Variants in ZFPM2 observed in about 807,000 individuals in gnomAD.
ZFPM2 encodes zinc finger protein ZFPM2.
Under a neutral mutation model 98.6 loss-of-function variants are expected in ZFPM2, and 20 were observed. The observed-to-expected ratio is 0.20, with a 90% CI of 0.14 to 0.29. ZFPM2 has a LOEUF of 0.29. Among genes scored for constraint, ZFPM2 ranks in the 10% least tolerant of loss-of-function variants. ZFPM2 has a pLI of 1.00. For missense variants in ZFPM2, 1,310 were observed against 1,388.6 expected (o/e 0.94, Z 0.90); for synonymous variants, 518 against 502.7 (o/e 1.03, Z -0.41).
At chr8:105,410,839 A>G (rs903670359) in intron 1 of ZFPM2, among the ~76,000 whole-genome samples, 2 of 151,796 alleles carry the variant, frequency 1.3e-5, no homozygotes, top group Non-Finnish European at 2.9e-5. Context: ...TTTCTTACTC[A>G]TAAGTGCTTT....
At chr8:105,361,604 C>T (rs1353468082) in intron 1 of ZFPM2, among the ~76,000 whole-genome samples, 1 of 152,136 alleles carries the variant, frequency 6.6e-6, no homozygotes, top group Non-Finnish European at 1.5e-5. Flanking sequence ...CTAGTAACAT[C>T]ACCTAAATAA....
At chr8:105,622,598 GC>G (rs983612715) in intron 4 of ZFPM2, among the ~76,000 whole-genome samples, 16 of 152,032 alleles carry the variant, frequency 1.1e-4, no homozygotes, top group African/African-American at 3.9e-4. Flanking sequence ...TCCATTAGTT[GC>G]CCCAGGCTGA....
At chr8:105,531,329 T>C (rs1360163547) in intron 3 of ZFPM2, among the ~76,000 whole-genome samples, 2 of 152,150 alleles carry the variant, frequency 1.3e-5, no homozygotes, top group African/African-American at 2.4e-5. Context: ...CTGAACTCTT[T>C]AGGGGAATCC....
chr8:105,638,999 C>T (rs1385292152), intron 5 of ZFPM2, among the ~76,000 whole-genome samples: 1 of 151,866 alleles, frequency 6.6e-6, no homozygotes, highest in African/African-American at 2.4e-5. Context: ...CCTGTTGGGT[C>T]GTCTGTTTTT....
intron 3 of ZFPM2, among the ~76,000 whole-genome samples, chr8:105,518,299 G>T (rs1387321247): frequency 6.6e-6 from 1 of 152,118 alleles, no homozygotes; most frequent in African/African-American, 2.4e-5. Context: ...ATTTCCTTGT[G>T]CTTGGTGGAT....
intron 4 of ZFPM2, among the ~76,000 whole-genome samples, chr8:105,616,860 A>G (rs992590848): frequency 5.3e-5 from 8 of 151,344 alleles, no homozygotes; most frequent in Admixed American, 2.6e-4. Flanking sequence ...TCTACTAAAA[A>G]TACAAAAATT....
At chr8:105,424,671 A>G (rs192075264) in intron 2 of ZFPM2, among the ~76,000 whole-genome samples, 56 of 152,374 alleles carry the variant, frequency 3.7e-4, no homozygotes, top group Admixed American at 3.3e-3. Flanking sequence ...AATTAATACC[A>G]ATTGAAAGCA....
At chr8:105,618,198 C>T (rs1816460097) in intron 4 of ZFPM2, among the ~76,000 whole-genome samples, 1 of 152,112 alleles carries the variant, frequency 6.6e-6, no homozygotes, top group Non-Finnish European at 1.5e-5. Context: ...TTTTCATGGA[C>T]ATGAAAAATT....
At chr8:105,423,829 A>C (rs546580371) in intron 2 of ZFPM2, among the ~76,000 whole-genome samples, 31 of 152,318 alleles carry the variant, frequency 2.0e-4, no homozygotes, top group African/African-American at 6.0e-4. Flanking sequence ...ACTCAAAGAC[A>C]GTGAGTTTCA....
At chr8:105,514,094 C>A in intron 3 of ZFPM2, among the ~76,000 whole-genome samples, 1 of 151,100 alleles carries the variant, frequency 6.6e-6, no homozygotes. Context: ...CCTTTGCCTC[C>A]CAGGTTCAAG....
intron 3 of ZFPM2, among the ~76,000 whole-genome samples, chr8:105,469,975 T>C (rs1487969954): frequency 6.6e-6 from 1 of 152,196 alleles, no homozygotes; most frequent in Non-Finnish European, 1.5e-5. Flanking sequence ...ATTCCCATTT[T>C]ACTACCCAAT....
At chr8:105,511,360 G>A (rs1813814215) in intron 3 of ZFPM2, among the ~76,000 whole-genome samples, 1 of 152,174 alleles carries the variant, frequency 6.6e-6, no homozygotes, top group African/African-American at 2.4e-5. Flanking sequence ...TCTCTTTACA[G>A]CCTATTTGCA....
intron 3 of ZFPM2, among the ~76,000 whole-genome samples, chr8:105,504,532 C>A (rs1025597017): frequency 6.6e-6 from 1 of 152,082 alleles, no homozygotes; most frequent in Non-Finnish European, 1.5e-5. Context: ...CAGGCCATCG[C>A]GCTTTTTTAG....
rs2127866 is a variant in ZFPM2 at position 105,446,199 on chromosome 8, C to T, written c.301+1818C>T. Among the ~76,000 whole-genome samples the T allele has an allele frequency of 1.3e-3, 193 of 152,192 alleles. 1 individual carries two copies. The highest frequency in any genetic ancestry group is 1.7e-3 in the Non-Finnish European group (113 of 68,002). On this transcript the variant is annotated intron_variant, in intron 3 of 7. Coordinates refer to ENST00000407775, the MANE Select transcript of ZFPM2 (RefSeq NM_012082.4). ...CCTCCCAAAGTGCTGGGATTACAGG[C>T]GTGAGCTACCGTGCCCGGCGATAGT...
At chr8:105,505,694 A>G (rs1355257582) in intron 3 of ZFPM2, among the ~76,000 whole-genome samples, 1 of 152,072 alleles carries the variant, frequency 6.6e-6, no homozygotes. Flanking sequence ...TATTATTACT[A>G]CTCCTTTAAG....
chr8:105,801,403 T>C lies in ZFPM2; in HGVS notation c.1321T>C (p.Cys441Arg). The change falls in exon 8 of 8, where the codon TGT becomes CGT. Residue 441 changes from cysteine (C) to arginine (R), a missense_variant. By Grantham distance (180) the Cys-to-Arg change is radical (BLOSUM62 -3). Coordinates refer to ENST00000407775, the MANE Select transcript of ZFPM2 (RefSeq NM_012082.4). Reference sequence around the variant, plus strand: ...GAGCTCTGACACAGAGCTGGACAAGTGTGAGAAAAAGACTCAGCTCTTTCT... The same window carrying C: ...GAGCTCTGACACAGAGCTGGACAAGCGTGAGAAAAAGACTCAGCTCTTTCT... ...DASSDTELDKCEKKTQLFLTN... is the reference protein window; with the variant it reads ...DASSDTELDKREKKTQLFLTN... 2 of 1,613,906 alleles carry C rather than the reference T, an allele frequency of 1.2e-6. No individual in the cohort carries two copies.
intron 1 of ZFPM2, among the ~76,000 whole-genome samples, chr8:105,348,280 C>T (rs1170638923): frequency 6.6e-6 from 1 of 152,154 alleles, no homozygotes; most frequent in African/African-American, 2.4e-5. Context: ...GTATGATTTT[C>T]TTTAAAGTCA....
intron 1 of ZFPM2, among the ~76,000 whole-genome samples, chr8:105,395,442 A>T (rs1308611144): frequency 6.6e-6 from 1 of 152,156 alleles, no homozygotes; most frequent in East Asian, 1.9e-4. Flanking sequence ...TCCACATTTT[A>T]TCTAATCCTC....
At chr8:105,698,729 T>G (rs1391222677) in intron 5 of ZFPM2, among the ~76,000 whole-genome samples, 2 of 152,168 alleles carry the variant, frequency 1.3e-5, no homozygotes, top group Admixed American at 6.5e-5. Flanking sequence ...GACAGTTCCC[T>G]GACAATAAAC....
Sources: allele counts gnomAD v4.1 joint callset (sites outside exome capture counted in the v4.1 genomes callset), GRCh38; gene constraint gnomAD v4.1.1; transcripts MANE v1.5; gene names NCBI Gene and HGNC (gene_info 2026-07-23, HGNC 2026-07-21).